The following LIN28B variants were observed in gnomAD, a reference collection of about 807,000 sequenced individuals.
LIN28B encodes protein lin-28 homolog B.
LIN28B carries 5 observed loss-of-function variants against 21.9 expected under a neutral mutation model. That is an observed-to-expected ratio of 0.23 (90% CI 0.12 to 0.48). LIN28B has a LOEUF of 0.48. LIN28B is among the 20% of genes least tolerant of loss of function. LIN28B has a pLI of 0.98. For synonymous variants in LIN28B, 109 were observed against 111.3 expected (o/e 0.98, Z 0.13); for missense variants, 245 against 310.5 (o/e 0.79, Z 1.58).
intron 2 of LIN28B, among the ~76,000 whole-genome samples, chr6:104,981,146 TCCTTC>T (rs1770214933): frequency 6.6e-6 from 1 of 152,196 alleles, no homozygotes; most frequent in Non-Finnish European, 1.5e-5. Context: ...TCATTTCCCA[TCCTTC>T]TGAAAACACT....
intron 3 of LIN28B, among the ~76,000 whole-genome samples, chr6:105,051,727 A>C (rs957203301): frequency 2.1e-5 from 1 of 47,104 alleles, no homozygotes; most frequent in East Asian, 6.3e-4. Context: ...CCTCTATCTC[A>C]GTTTCTCTCT....
intron 3 of LIN28B, among the ~76,000 whole-genome samples, chr6:105,032,490 C>T (rs1024573699): frequency 1.3e-5 from 2 of 151,992 alleles, no homozygotes; most frequent in Non-Finnish European, 2.9e-5. Flanking sequence ...TTTGGGAGGC[C>T]GAGGCCAGTG....
Position 105,043,090 on chromosome 6 carries a change from T to C in LIN28B, c.383+16608T>C, listed in dbSNP as rs78550344. On this transcript the variant is annotated intron_variant, in intron 3 of 3. Coordinates refer to ENST00000345080, the MANE Select transcript of LIN28B (RefSeq NM_001004317.4). ...AAAGGAACAAAAAAGTGAAAATACC[T>C]AGGAATAAAGCTTAATGAGAGATAT... 8.4e-4 allele frequency among the ~76,000 whole-genome samples: 128 copies of C among 151,804 alleles called. 3 individuals carry two copies. The East Asian group carries it at 0.022, about 26-fold the overall frequency.
At chr6:105,008,470 C>T (rs1165444577) in intron 2 of LIN28B, among the ~76,000 whole-genome samples, 2 of 151,934 alleles carry the variant, frequency 1.3e-5, no homozygotes, top group African/African-American at 4.8e-5. Flanking sequence ...CAGTGAAACC[C>T]CGTCTCTATT....
chr6:104,983,120 T>C (rs1162555365), intron 2 of LIN28B, among the ~76,000 whole-genome samples: 1 of 152,210 alleles, frequency 6.6e-6, no homozygotes, highest in African/African-American at 2.4e-5. Flanking sequence ...TTGTATATTT[T>C]TATTTTACAA....
chr6:104,981,254 T>C (rs1275897839), intron 2 of LIN28B, among the ~76,000 whole-genome samples: 1 of 152,204 alleles, frequency 6.6e-6, no homozygotes, highest in Non-Finnish European at 1.5e-5. Context: ...CCACTCACTC[T>C]TTCTGGTGTT....
rs1771211089 is a variant in LIN28B, at chr6:105,023,569, T to TATATATTATATATTTTATATATATAAA, written c.199-2723_199-2722insTATATATTTTATATATATAAAATATAT. Among the ~76,000 whole-genome samples the TATATATTATATATTTTATATATATAAA allele has an allele frequency of 3.6e-4, 2 of 5,534 alleles. 1 individual carries two copies. Among genetic ancestry groups the TATATATTATATATTTTATATATATAAA allele is most frequent in the African/African-American group, 1.5e-3 (2 of 1,330 alleles). The allele number at this position is 5,534 out of a possible 152,430, so 3.6% of individuals were successfully genotyped here. A position where few individuals can be genotyped will look rare whatever the true frequency, so the allele number is the denominator to read the frequency against. On this transcript the variant is annotated intron_variant, in intron 2 of 3. Coordinates refer to ENST00000345080, the MANE Select transcript of LIN28B (RefSeq NM_001004317.4). ...ATATATAACCTATATATATATATAA[T>TATATATTATATATTTTATATATATAAA]ATATATAATATATATTATATATATT...
In LIN28B at chr6:104,958,202, T is replaced by C. The variant is rs772067549; in HGVS notation, c.114T>C (p.Asn38=). ...LRGTGHCKWF[N]VRMGFGFISM... is the part of the protein sequence containing the mutation. ...GAACTGGCCACTGTAAGTGGTTCAATGTGCGCATGGGATTTGGATTCATCT... is the reference window on the plus strand; with the variant it reads ...GAACTGGCCACTGTAAGTGGTTCAACGTGCGCATGGGATTTGGATTCATCT... The change falls in exon 2 of 4, where the codon AAT becomes AAC. Residue 38 remains asparagine (N), a synonymous_variant. Coordinates refer to ENST00000345080, the MANE Select transcript of LIN28B (RefSeq NM_001004317.4). The C allele has an allele frequency of 1.9e-6, 3 of 1,608,150 alleles. No homozygotes were observed. The East Asian group carries it at 6.7e-5, about 36-fold the overall frequency.
chr6:105,034,187 T>C lies in LIN28B; in HGVS notation c.383+7705T>C, dbSNP rs372921917. Among the ~76,000 whole-genome samples the C allele has an allele frequency of 3.3e-5, 5 of 152,026 alleles. No individual in the cohort carries two copies. In the East Asian group the frequency reaches 5.8e-4, roughly 18 times the overall value. On this transcript the variant is annotated intron_variant, in intron 3 of 3. Coordinates refer to ENST00000345080, the MANE Select transcript of LIN28B (RefSeq NM_001004317.4). ...TTTTTACCTCCTTTTTAAATTCCGA[T>C]TTTTTTAGAGTAGTGACTGTCTTTT... is the stretch of plus-strand genomic sequence containing the variant.
At chr6:104,987,211 T>C (rs1019917935) in intron 2 of LIN28B, among the ~76,000 whole-genome samples, 2 of 152,236 alleles carry the variant, frequency 1.3e-5, no homozygotes, top group African/African-American at 4.8e-5. Context: ...ATATTTGATT[T>C]TTTTGATGCT....
chr6:104,956,376 G>C (rs1304047304), upstream of LIN28B, among the ~76,000 whole-genome samples: 1 of 152,186 alleles, frequency 6.6e-6, no homozygotes, highest in East Asian at 1.9e-4. Flanking sequence ...AGAGATGGCA[G>C]AGAAACCTGT....
At chr6:105,006,765 T>C (rs1770823672) in intron 2 of LIN28B, among the ~76,000 whole-genome samples, 1 of 152,212 alleles carries the variant, frequency 6.6e-6, no homozygotes, top group Non-Finnish European at 1.5e-5. Context: ...TCTTGAAACT[T>C]GCTTCCATAA....
rs1017436085 is a variant in LIN28B, at chr6:104,957,234, A to G, written c.-17A>G. ...TTTTCATCTCACGAGTTTGGAGCTG[A>G]GGGCCCGTGGGGCAACATGGCCGAA... On this transcript the variant is annotated 5_prime_UTR_variant, in exon 1 of 4. Transcript: ENST00000345080. 6.2e-7 allele frequency: 1 copy of G among 1,613,664 alleles called. No individual in the cohort carries two copies. Among genetic ancestry groups the G allele is most frequent in the Non-Finnish European group, 8.5e-7 (1 of 1,179,678 alleles).
intron 2 of LIN28B, among the ~76,000 whole-genome samples, chr6:104,945,108 A>G (rs1281849984): frequency 6.6e-6 from 1 of 152,128 alleles, no homozygotes; most frequent in Non-Finnish European, 1.5e-5. Context: ...TTTTAACTAA[A>G]ATATTCTAGA....
chr6:105,053,412 T>TGTGTGTGTGC (rs1554190400), intron 3 of LIN28B, among the ~76,000 whole-genome samples: 1 of 151,090 alleles, frequency 6.6e-6, no homozygotes, highest in African/African-American at 2.4e-5. Context: ...TGTGTGTGTG[T>TGTGTGTGTGC]GCACGTGCTC....
At chr6:104,991,256 C>T (rs986831962) in intron 2 of LIN28B, among the ~76,000 whole-genome samples, 5 of 151,218 alleles carry the variant, frequency 3.3e-5, no homozygotes, top group Middle Eastern at 3.4e-3. Context: ...CCCTCCCGGA[C>T]GGGGTGGCTG....
chr6:105,010,457 CAT>C (rs1169130980), intron 2 of LIN28B, among the ~76,000 whole-genome samples: 2 of 151,958 alleles, frequency 1.3e-5, no homozygotes, highest in Non-Finnish European at 2.9e-5. Flanking sequence ...ATCTCTCACT[CAT>C]AAAGTATCTG....
intron 3 of LIN28B, among the ~76,000 whole-genome samples, chr6:105,069,152 A>G (rs1772278760): frequency 6.6e-6 from 1 of 152,186 alleles, no homozygotes; most frequent in Non-Finnish European, 1.5e-5. Context: ...TGGGAGGTGG[A>G]GGTTGCAGTG....
At chr6:104,964,254 C>G (rs907756418) in intron 2 of LIN28B, among the ~76,000 whole-genome samples, 3 of 152,174 alleles carry the variant, frequency 2.0e-5, no homozygotes, top group African/African-American at 4.8e-5. Flanking sequence ...GAACTCCTAG[C>G]TAGTCTCAAG....
Sources: gnomAD v4.1 joint callset for allele counts (sites outside exome capture counted in the v4.1 genomes callset) on GRCh38, gnomAD v4.1.1 for gene constraint, MANE v1.5 for transcripts, NCBI Gene and HGNC (gene_info 2026-07-23, HGNC 2026-07-21) for gene names.